H3-3A: variants seen among roughly 807,000 people sequenced by gnomAD.
The protein encoded by H3-3A is histone H3.3.
For synonymous variants in H3-3A, 49 were observed against 61.4 expected (o/e 0.80, Z 0.95); for missense variants, 7 against 184.0 (o/e 0.04, Z 5.57).
Position 226,066,783 on chromosome 1 carries a change from T to C in H3-3A, c.282+974T>C, listed in dbSNP as rs80080024. ...AGGGGGCATCCAGAATCTAAGTACA[T>C]TCCATTGGAGGATTTTCAAGGCTGC... On this transcript the variant is annotated intron_variant, in intron 3 of 3. Transcript: ENST00000366815. The C allele has an allele frequency of 6.7e-3, 1,029 of 152,678 alleles. 12 individuals carry two copies. The highest frequency in any genetic ancestry group is 0.024 in the African/African-American group (977 of 41,566). 9.5% of individuals were successfully genotyped at this position (152,678 alleles called of 1,614,324 possible). A position where few individuals can be genotyped will look rare whatever the true frequency, so the allele number is the denominator to read the frequency against.
At chr1:226,070,438 C>T (rs1658072463) in intron 3 of H3-3A, among the ~76,000 whole-genome samples, 1 of 150,982 alleles carries the variant, frequency 6.6e-6, no homozygotes, top group South Asian at 2.1e-4. Flanking sequence ...TGCCACTGCA[C>T]TCCAGCCTGG....
chr1:226,070,676 G>A (rs1421653009), intron 3 of H3-3A, among the ~76,000 whole-genome samples: 1 of 152,014 alleles, frequency 6.6e-6, no homozygotes, highest in Admixed American at 6.6e-5. Flanking sequence ...GGGAGGCTGA[G>A]GCAGGAGAAT....
At chr1:226,064,896 C>T (rs545476569) in intron 2 of H3-3A, among the ~76,000 whole-genome samples, 1 of 152,268 alleles carries the variant, frequency 6.6e-6, no homozygotes, top group African/African-American at 2.4e-5. Context: ...TTCCTACCCC[C>T]TCATTTACTT....
chr1:226,065,829 G>A lies in H3-3A; in HGVS notation c.282+20G>A. The A allele has an allele frequency of 6.4e-7, 1 of 1,563,028 alleles. No individual in the cohort carries two copies. Among genetic ancestry groups the A allele is most frequent in the Non-Finnish European group, 8.7e-7 (1 of 1,145,842 alleles). On this transcript the variant is annotated intron_variant, in intron 3 of 3. Coordinates refer to ENST00000366815, the MANE Select transcript of H3-3A (RefSeq NM_002107.7). ...TTGCAGGTAAAATGGTGGGTGGGAA[G>A]ACTCAGAGTTTGTATTCCTGTTGTG...
At chr1:226,063,191 C>T (rs1428961495) in intron 1 of H3-3A, among the ~76,000 whole-genome samples, 1 of 151,690 alleles carries the variant, frequency 6.6e-6, no homozygotes, top group East Asian at 2.0e-4. Flanking sequence ...AGTTTTCGAG[C>T]GGGAAAGGGG....
intron 1 of H3-3A, among the ~76,000 whole-genome samples, chr1:226,063,086 C>T (rs951935196): frequency 6.6e-6 from 1 of 151,892 alleles, no homozygotes; most frequent in Non-Finnish European, 1.5e-5. Flanking sequence ...CCTCTTTCTT[C>T]GGTGAAATCC....
At chr1:226,064,146 A>G (rs1657841728) in intron 1 of H3-3A, 183 bp from the exon 2 acceptor site, 3 of 499,554 alleles carry the variant, frequency 6.0e-6, no homozygotes, top group South Asian at 5.3e-5. Context: ...CTAGTACTCT[A>G]GTTTGTTTCA....
At chr1:226,065,635 T>A (rs1303263074) in intron 2 of H3-3A, 21 bp from the exon 3 acceptor site, 2 of 1,519,776 alleles carry the variant, frequency 1.3e-6, no homozygotes, top group Non-Finnish European at 1.8e-6. Context: ...TGGTAACAGT[T>A]TCTTTATTAA....
intron 1 of H3-3A, among the ~76,000 whole-genome samples, 181 bp downstream of exon 1, chr1:226,062,992 C>T (rs1553260475): frequency 6.6e-6 from 1 of 151,888 alleles, no homozygotes; most frequent in Non-Finnish European, 1.5e-5. Flanking sequence ...CGGCGGCTCC[C>T]CCGTCTCTCG....
chr1:226,064,302 T>C, intron 1 of H3-3A, 27 bp from the exon 2 acceptor site: 1 of 1,572,764 alleles, frequency 6.4e-7, no homozygotes, highest in South Asian at 1.1e-5. Context: ...TTGCATATGG[T>C]GATTTTTGAT....
intron 3 of H3-3A, among the ~76,000 whole-genome samples, chr1:226,068,168 G>C (rs1034068311): frequency 1.3e-5 from 2 of 152,122 alleles, no homozygotes; most frequent in African/African-American, 4.8e-5. Flanking sequence ...TCCCATTACA[G>C]CCTTAATGTT....
At chr1:226,062,994 C>A (rs1033126641) in intron 1 of H3-3A, among the ~76,000 whole-genome samples, 183 bp downstream of exon 1, 8 of 151,932 alleles carry the variant, frequency 5.3e-5, no homozygotes, top group African/African-American at 1.7e-4. Context: ...GCGGCTCCCC[C>A]GTCTCTCGCC....
intron 3 of H3-3A, 77 bp downstream of exon 3, chr1:226,065,886 C>T (rs940714768): frequency 1.5e-5 from 16 of 1,071,314 alleles, no homozygotes; most frequent in African/African-American, 3.1e-5. Context: ...GTTGCATGTG[C>T]TTATATCATT....
chr1:226,065,921 G>A, intron 3 of H3-3A, 112 bp downstream of exon 3: 1 of 850,762 alleles, frequency 1.2e-6, no homozygotes, highest in Non-Finnish European at 2.0e-6. Flanking sequence ...TCAGGTAGTT[G>A]ATATTGTTAC....
chr1:226,065,475 G>A (rs944939333), intron 2 of H3-3A, among the ~76,000 whole-genome samples, 181 bp from the exon 3 acceptor site: 2 of 152,114 alleles, frequency 1.3e-5, no homozygotes, highest in African/African-American at 4.8e-5. Context: ...TTGCTTTAAA[G>A]GTATTGTTAC....
At chr1:226,071,160 G>A (rs924025963) in intron 3 of H3-3A, among the ~76,000 whole-genome samples, 191 bp from the exon 4 acceptor site, 13 of 151,800 alleles carry the variant, frequency 8.6e-5, no homozygotes, top group African/African-American at 3.1e-4. Flanking sequence ...TTAAGCTTTT[G>A]TTTTTTTTCA....
Position 226,065,591 on chromosome 1 carries a change from C to T in H3-3A, c.129-65C>T, listed in dbSNP as rs956403673. On this transcript the variant is annotated intron_variant, in intron 2 of 3. Coordinates refer to ENST00000366815, the MANE Select transcript of H3-3A (RefSeq NM_002107.7). ...GAAAGATTACTGCATTTCTTTGAAGCTGCCCACTTACCTTTTTGTGCTAGT... is the reference window on the plus strand; with the variant it reads ...GAAAGATTACTGCATTTCTTTGAAGTTGCCCACTTACCTTTTTGTGCTAGT... 6.2e-5 allele frequency: 74 copies of T among 1,192,650 alleles called. No homozygotes were observed. The Middle Eastern group carries it at 6.8e-4, about 11-fold the overall frequency. The allele number at this position is 1,192,650 out of a possible 1,614,324, so 73.9% of individuals were successfully genotyped here.
intron 3 of H3-3A, among the ~76,000 whole-genome samples, chr1:226,067,991 A>T (rs1657982051): frequency 6.6e-6 from 1 of 152,230 alleles, no homozygotes; most frequent in South Asian, 2.1e-4. Flanking sequence ...ACTTGAACTC[A>T]AATATTCTTG....
chr1:226,065,277 T>C (rs922206371), intron 2 of H3-3A, among the ~76,000 whole-genome samples: 4 of 152,204 alleles, frequency 2.6e-5, no homozygotes, highest in Non-Finnish European at 4.4e-5. Context: ...TGGTCATCTT[T>C]AAGGGCTCTT....
Sources: allele counts gnomAD v4.1 joint callset (sites outside exome capture counted in the v4.1 genomes callset), GRCh38; gene constraint gnomAD v4.1.1; transcripts MANE v1.5; gene names NCBI Gene and HGNC (gene_info 2026-07-23, HGNC 2026-07-21).